Variants in PTPRD observed in about 807,000 individuals in gnomAD.
PTPRD encodes the protein receptor-type tyrosine-protein phosphatase delta.
A neutral mutation model predicts 214.5 loss-of-function variants in PTPRD; 34 were observed. The observed-to-expected ratio is 0.16, with a 90% CI of 0.12 to 0.21. PTPRD has a LOEUF of 0.21. Ranked by LOEUF, PTPRD falls within the 10% of genes least tolerant of loss-of-function variation. The probability of loss-of-function intolerance (pLI) is 1.00; values close to 1 mark genes in which losing one functional copy is unlikely to be tolerated. For synonymous variants in PTPRD, 1,128 were observed against 845.7 expected (o/e 1.33, Z -5.79); for missense variants, 2,545 against 2,398.7 (o/e 1.06, Z -1.27).
At chr9:9,837,712 G>A (rs2057181552) in intron 5 of PTPRD, among the ~76,000 whole-genome samples, 1 of 151,970 alleles carries the variant, frequency 6.6e-6, no homozygotes, top group Non-Finnish European at 1.5e-5. Context: ...TAACCAGACT[G>A]GTATGACTTT....
intron 8 of PTPRD, among the ~76,000 whole-genome samples, chr9:9,531,451 G>A (rs554721471): frequency 1.3e-5 from 2 of 152,122 alleles, no homozygotes; most frequent in Non-Finnish European, 2.9e-5. Flanking sequence ...GGCAGCTCAT[G>A]ATATGATTCA....
Position 10,487,966 on chromosome 9 carries a change from G to GTCTCCCTCTCTC in PTPRD, c.-600+124431_-600+124432insGAGAGAGGGAGA, listed in dbSNP as rs1491332095. Among the ~76,000 whole-genome samples, 41 of 110,318 alleles carry GTCTCCCTCTCTC rather than the reference G, an allele frequency of 3.7e-4. No homozygotes were observed. In the East Asian group the frequency reaches 4.0e-3, roughly 11 times the overall value. The allele number at this position is 110,318 out of a possible 152,430, so 72.4% of individuals were successfully genotyped here. ...CCTTAATTTCTCCCAAATGAACACA[G>GTCTCCCTCTCTC]TCTCTCTCTCTCTCTCTCTCTCTCT... is the stretch of plus-strand genomic sequence containing the variant. On this transcript the variant is annotated intron_variant, in intron 2 of 45. Transcript: ENST00000381196.
At chr9:10,524,940 A>G (rs2053767648) in intron 2 of PTPRD, among the ~76,000 whole-genome samples, 2 of 151,980 alleles carry the variant, frequency 1.3e-5, no homozygotes, top group Admixed American at 6.6e-5. Context: ...AAAAAGCAAA[A>G]TAAGTGTAAT....
intron 5 of PTPRD, among the ~76,000 whole-genome samples, chr9:9,839,863 G>A (rs890312046): frequency 1.3e-5 from 2 of 151,610 alleles, no homozygotes; most frequent in Non-Finnish European, 2.9e-5. Context: ...TTCTGTTGCT[G>A]GTAATCAATA....
At chr9:8,433,983 G>C (rs2095228493) in intron 35 of PTPRD, among the ~76,000 whole-genome samples, 1 of 126,150 alleles carries the variant, frequency 7.9e-6, no homozygotes, top group Non-Finnish European at 1.5e-5. Context: ...CCATTTGTTT[G>C]TTTGCTTGTT....
intron 11 of PTPRD, among the ~76,000 whole-genome samples, chr9:8,882,603 G>C (rs1261642438): frequency 3.3e-5 from 5 of 152,070 alleles, no homozygotes; most frequent in African/African-American, 1.2e-4. Flanking sequence ...TATTTTAGAG[G>C]GCCATGTGTG....
At chr9:10,109,180 A>G (rs1034596695) in intron 3 of PTPRD, among the ~76,000 whole-genome samples, 6 of 152,194 alleles carry the variant, frequency 3.9e-5, no homozygotes, top group Non-Finnish European at 7.3e-5. Context: ...TTCTACAAGC[A>G]AGTTCTTTCT....
intron 2 of PTPRD, among the ~76,000 whole-genome samples, chr9:10,430,786 G>A (rs2098669953): frequency 6.6e-6 from 1 of 151,872 alleles, no homozygotes; most frequent in African/African-American, 2.4e-5. Flanking sequence ...ATAATGATTA[G>A]TACATGGTAG....
At chr9:8,967,036 C>T (rs990602555) in intron 11 of PTPRD, among the ~76,000 whole-genome samples, 1 of 151,382 alleles carries the variant, frequency 6.6e-6, no homozygotes, top group Non-Finnish European at 1.5e-5. Flanking sequence ...CCAATAAACA[C>T]ATAAAAAAAT....
At chr9:8,756,180 C>T (rs1228168574) in intron 11 of PTPRD, among the ~76,000 whole-genome samples, 1 of 152,166 alleles carries the variant, frequency 6.6e-6, no homozygotes, top group Non-Finnish European at 1.5e-5. Flanking sequence ...AACTTCAGCA[C>T]TGACTTTCTT....
chr9:9,405,509 G>T (rs975905869), intron 8 of PTPRD, among the ~76,000 whole-genome samples: 4 of 151,990 alleles, frequency 2.6e-5, no homozygotes, highest in Admixed American at 2.0e-4. Context: ...CACTTCATGG[G>T]AAACATTCTG....
intron 3 of PTPRD, among the ~76,000 whole-genome samples, chr9:10,187,755 G>T (rs1272698561): frequency 6.6e-6 from 1 of 152,206 alleles, no homozygotes. Flanking sequence ...TGCCACATCT[G>T]TAGAAATAAC....
intron 9 of PTPRD, among the ~76,000 whole-genome samples, chr9:9,238,120 T>C (rs2099968134): frequency 6.6e-6 from 1 of 152,194 alleles, no homozygotes; most frequent in South Asian, 2.1e-4. Flanking sequence ...CCTGTGACAC[T>C]AAAACCTCTT....
intron 8 of PTPRD, among the ~76,000 whole-genome samples, chr9:9,400,676 T>C (rs1262179920): frequency 6.6e-6 from 1 of 151,990 alleles, no homozygotes; most frequent in African/African-American, 2.4e-5. Flanking sequence ...AATATATAAC[T>C]ATTGATTGAG....
intron 31 of PTPRD, among the ~76,000 whole-genome samples, chr9:8,470,657 G>C (rs775244562): frequency 6.6e-6 from 1 of 152,064 alleles, no homozygotes; most frequent in Non-Finnish European, 1.5e-5. Context: ...GGGACCTTGG[G>C]ATTTATACCA....
rs112972910 is a variant in PTPRD, at chr9:9,554,051, T to C, written c.-237+20681A>G. ...GATGCCATTTATGAACATTTTATTATGGATGGGCTAGAAAAGTTAGATTGA... is the reference window on the plus strand; with the variant it reads ...GATGCCATTTATGAACATTTTATTACGGATGGGCTAGAAAAGTTAGATTGA... On this transcript the variant is annotated intron_variant, in intron 8 of 45. Coordinates refer to ENST00000381196, the MANE Select transcript of PTPRD (RefSeq NM_002839.4). Among the ~76,000 whole-genome samples, 7 of 152,192 alleles carry C rather than the reference T, an allele frequency of 4.6e-5. 1 individual carries two copies. Among genetic ancestry groups the C allele is most frequent in the African/African-American group, 9.6e-5 (4 of 41,578 alleles).
At chr9:8,847,224 G>C (rs547387369) in intron 11 of PTPRD, among the ~76,000 whole-genome samples, 5 of 151,812 alleles carry the variant, frequency 3.3e-5, no homozygotes, top group Admixed American at 6.6e-5. Context: ...CTGTTAAATA[G>C]TAAAAGTCGG....
intron 5 of PTPRD, among the ~76,000 whole-genome samples, chr9:9,824,964 GTACT>G (rs1176438565): frequency 1.3e-5 from 2 of 151,990 alleles, no homozygotes; most frequent in Non-Finnish European, 2.9e-5. Context: ...ATCCTCACTG[GTACT>G]TACTAGCTGT....
At chr9:9,326,170 G>A (rs911801594) in intron 9 of PTPRD, among the ~76,000 whole-genome samples, 2 of 152,056 alleles carry the variant, frequency 1.3e-5, no homozygotes, top group African/African-American at 4.8e-5. Flanking sequence ...GAGAAAGTGT[G>A]ACTTAATGAA....
Sources: allele counts gnomAD v4.1 joint callset (sites outside exome capture counted in the v4.1 genomes callset), GRCh38; gene constraint gnomAD v4.1.1; transcripts MANE v1.5; gene names NCBI Gene and HGNC (gene_info 2026-07-23, HGNC 2026-07-21).